The following LAMA1 variants were observed in gnomAD, a reference collection of about 807,000 sequenced individuals.
LAMA1 encodes the protein laminin subunit alpha-1.
In LAMA1, 219 loss-of-function variants were observed where a neutral mutation model predicts 348.7. The ratio of observed to expected loss-of-function variants is 0.63; its 90% confidence interval spans 0.56 to 0.70. LAMA1 has a LOEUF of 0.70. Ranked by LOEUF, LAMA1 falls within the 30% of genes least tolerant of loss-of-function variation. LAMA1 has a pLI of 0.00. For synonymous variants in LAMA1, 1,487 were observed against 1,491.0 expected (o/e 1.00, Z 0.06); for missense variants, 3,744 against 3,888.0 (o/e 0.96, Z 0.99).
chr18:6,949,338 C>T, intron 58 of LAMA1, 79 bp from the exon 59 acceptor site: 9 of 1,319,968 alleles, frequency 6.8e-6, no homozygotes, highest in Non-Finnish European at 8.7e-6. Flanking sequence ...TTAACAGATG[C>T]AACATCTGTT....
At chr18:7,064,744 AT>A (rs1480122563) in intron 3 of LAMA1, among the ~76,000 whole-genome samples, 3 of 152,278 alleles carry the variant, frequency 2.0e-5, no homozygotes, top group East Asian at 3.9e-4. Flanking sequence ...TTTAACTGAC[AT>A]TTTTTTGTGC....
intron 44 of LAMA1, among the ~76,000 whole-genome samples, chr18:6,976,881 G>T (rs1184827017): frequency 6.6e-6 from 1 of 152,110 alleles, no homozygotes; most frequent in Non-Finnish European, 1.5e-5. Flanking sequence ...AATTGTGGGA[G>T]TTACGGGTGT....
intron 1 of LAMA1, among the ~76,000 whole-genome samples, chr18:7,093,344 AGGT>A (rs2058247495): frequency 6.6e-6 from 1 of 152,120 alleles, no homozygotes; most frequent in Non-Finnish European, 1.5e-5. Flanking sequence ...TGAACCCGGG[AGGT>A]GGAGCTTGCA....
chr18:6,979,873 T>TG (rs1482492405), intron 42 of LAMA1, among the ~76,000 whole-genome samples: 1 of 152,194 alleles, frequency 6.6e-6, no homozygotes, highest in East Asian at 1.9e-4. Context: ...CACTCCAGCC[T>TG]GGGCGACAGA....
intron 16 of LAMA1, among the ~76,000 whole-genome samples, chr18:7,026,945 G>A (rs553763201): frequency 1.8e-4 from 27 of 149,230 alleles, no homozygotes; most frequent in Middle Eastern, 6.9e-3. Flanking sequence ...AGTCAGCTGA[G>A]ATGGCGCCAC....
At position 7,037,741 on chromosome 18, in the gene LAMA1, A is replaced by G. The variant is rs202033730; in HGVS notation, c.1574T>C (p.Met525Thr). ...CAAGTCGGTGACCAGCCACCCGGAC[A>G]TACTGTTTACCTTAAAAACAAATTC... ...LSWPVGQVNS[M>T]SGWLVTDLIS... The change falls in exon 12 of 63, where the codon ATG (methionine) becomes ACG (threonine). Residue 525 changes from methionine to threonine, a missense_variant. Around this residue, in one of 3 missense-constraint regions of LAMA1, gnomAD observed 1,529 missense variants for 1,689.4 expected, o/e 0.91. Coordinates refer to ENST00000389658, the MANE Select transcript of LAMA1 (RefSeq NM_005559.4). 1 of 1,614,196 alleles carries G rather than the reference A, an allele frequency of 6.2e-7. No homozygotes were observed. Among genetic ancestry groups the G allele is most frequent in the African/African-American group, 1.3e-5 (1 of 75,054 alleles).
intron 39 of LAMA1, among the ~76,000 whole-genome samples, chr18:6,983,785 A>C (rs1451378704): frequency 6.6e-6 from 1 of 152,200 alleles, no homozygotes; most frequent in African/African-American, 2.4e-5. Context: ...TTGCTTAGGA[A>C]CTTGGTAACT....
At chr18:6,955,129 C>G in intron 57 of LAMA1, 1 of 573,460 alleles carries the variant, frequency 1.7e-6, no homozygotes, top group Non-Finnish European at 3.1e-6. Context: ...GCCAGCCACT[C>G]TCCAGAAGGG....
intron 30 of LAMA1, among the ~76,000 whole-genome samples, chr18:7,001,994 T>C (rs958553947): frequency 7.2e-5 from 11 of 152,250 alleles, no homozygotes; most frequent in African/African-American, 2.7e-4. Flanking sequence ...ACATATGCTG[T>C]GGGCTAAAAT....
rs75636556 is a variant in LAMA1 at position 6,996,808 on chromosome 18, A to G, written c.4806+934T>C. On this transcript the variant is annotated intron_variant, in intron 33 of 62. Transcript: ENST00000389658. ...AAATAATAAAATAAATAAATAAGAT[A>G]ATAAAAATAAATAAGTGCTATAGTA... is the stretch of plus-strand genomic sequence containing the variant. Among the ~76,000 whole-genome samples the G allele has an allele frequency of 1.7e-4, 26 of 152,074 alleles. No individual in the cohort carries two copies. In the East Asian group the frequency reaches 4.4e-3, roughly 26 times the overall value.
chr18:7,090,354 C>T (rs1365140892), intron 1 of LAMA1, among the ~76,000 whole-genome samples: 1 of 152,074 alleles, frequency 6.6e-6, no homozygotes, highest in Admixed American at 6.5e-5. Context: ...TTTAAAATAA[C>T]CAGTAGTTAT....
At chr18:6,996,135 T>C (rs1001368746) in intron 33 of LAMA1, among the ~76,000 whole-genome samples, 4 of 152,168 alleles carry the variant, frequency 2.6e-5, no homozygotes, top group Non-Finnish European at 5.9e-5. Context: ...AATATTCTTT[T>C]TTTTATAGAG....
At chr18:7,008,383 A>G in intron 28 of LAMA1, 105 bp downstream of exon 28, 1 of 1,273,570 alleles carries the variant, frequency 7.9e-7, no homozygotes, top group East Asian at 2.5e-5. Flanking sequence ...AGAGAAAAAA[A>G]TGATATAGTA....
At position 6,965,427 on chromosome 18, in the gene LAMA1, G is replaced by A. The variant is rs1198740418; in HGVS notation, c.7056C>T (p.Asp2352=). Residue 2352 remains aspartate, a synonymous_variant, in exon 50 of 63, where the codon GAC becomes GAT. Coordinates refer to ENST00000389658, the MANE Select transcript of LAMA1 (RefSeq NM_005559.4). ...LLYLGSYGTK[D]FLSIELFRGR... ...CACGAAACAGCTCGATGGATAAAAA[G>A]TCTTTCTGTAAAAAAGAGAACACAG... The A allele has an allele frequency of 6.8e-6, 11 of 1,614,004 alleles. No individual in the cohort carries two copies. The highest frequency in any genetic ancestry group is 1.3e-5 in the African/African-American group (1 of 74,922).
chr18:6,978,827 T>C (rs983194833), intron 42 of LAMA1, among the ~76,000 whole-genome samples: 9 of 152,156 alleles, frequency 5.9e-5, no homozygotes, highest in Non-Finnish European at 1.3e-4. Context: ...ATAATAAGGA[T>C]TTGGATCCTA....
At chr18:6,947,323 C>A in intron 60 of LAMA1, 27 bp from the exon 61 acceptor site, 1 of 1,612,740 alleles carries the variant, frequency 6.2e-7, no homozygotes, top group South Asian at 1.1e-5. Flanking sequence ...GGACCCAAGT[C>A]AGGGTGAGCG....
chr18:6,985,216 C>T (rs775547859), intron 39 of LAMA1, 21 bp downstream of exon 39: 9 of 1,613,838 alleles, frequency 5.6e-6, no homozygotes, highest in Non-Finnish European at 6.8e-6. Context: ...CTCTTGAGTT[C>T]CCACAAAGGC....
intron 1 of LAMA1, among the ~76,000 whole-genome samples, chr18:7,095,107 G>T (rs1598316876): frequency 1.8e-5 from 2 of 112,480 alleles, no homozygotes; most frequent in South Asian, 3.2e-4. Flanking sequence ...CTGTTCCCTG[G>T]TTGCCTCAGG....
At chr18:6,977,619 G>T in intron 44 of LAMA1, 108 bp downstream of exon 44, 1 of 1,301,230 alleles carries the variant, frequency 7.7e-7, no homozygotes, top group African/African-American at 1.5e-5. Context: ...CTGGGTCTTT[G>T]GAAGCCCTAA....
Sources: allele counts gnomAD v4.1 joint callset (sites outside exome capture counted in the v4.1 genomes callset), GRCh38; gene constraint gnomAD v4.1.1; regional missense constraint gnomAD v4.1.1; transcripts MANE v1.5; gene names NCBI Gene and HGNC (gene_info 2026-07-23, HGNC 2026-07-21).